Variants in RIMS2 observed in about 807,000 individuals in gnomAD.
RIMS2 encodes the protein regulating synaptic membrane exocytosis protein 2.
RIMS2 carries 59 observed loss-of-function variants against 174.4 expected under a neutral mutation model. The ratio of observed to expected loss-of-function variants is 0.34; its 90% CI spans 0.27 to 0.42. The LOEUF is 0.42. RIMS2 is among the 10% of genes least tolerant of loss of function. The pLI, the probability that RIMS2 is intolerant of heterozygous loss-of-function variation, is 1.00. For missense variants in RIMS2, 1,620 were observed against 1,666.3 expected, an observed-to-expected ratio of 0.97 and a Z score of 0.48; for synonymous variants, 606 against 572.5, an observed-to-expected ratio of 1.06 and a Z score of -0.84.
At chr8:103,575,929 C>A (rs142386345) in intron 1 of RIMS2, among the ~76,000 whole-genome samples, 203 of 152,248 alleles carry the variant, frequency 1.3e-3, no homozygotes, top group African/African-American at 4.7e-3. Context: ...ACTAGTTTTG[C>A]TTCTAACTTC....
At chr8:103,740,439 A>G (rs1431422429) in intron 2 of RIMS2, among the ~76,000 whole-genome samples, 1 of 152,162 alleles carries the variant, frequency 6.6e-6, no homozygotes, top group Non-Finnish European at 1.5e-5. Flanking sequence ...GAGGATGGCA[A>G]TTTATGACTT....
At chr8:103,672,043 CAATT>C (rs1030879239) in intron 1 of RIMS2, among the ~76,000 whole-genome samples, 6 of 152,056 alleles carry the variant, frequency 3.9e-5, no homozygotes, top group Non-Finnish European at 8.8e-5. Flanking sequence ...AGGTTTAAAA[CAATT>C]AAAACAGGAT....
intron 3 of RIMS2, among the ~76,000 whole-genome samples, chr8:103,857,130 A>G (rs932415038): frequency 1.3e-5 from 2 of 152,164 alleles, no homozygotes; most frequent in African/African-American, 2.4e-5. Context: ...GTTACATAAA[A>G]TTTTACTCAG....
intron 1 of RIMS2, among the ~76,000 whole-genome samples, chr8:103,525,567 G>T (rs553396304): frequency 6.6e-6 from 1 of 152,088 alleles, no homozygotes; most frequent in African/African-American, 2.4e-5. Context: ...CACCTTGATT[G>T]ACATCAAGAC....
chr8:103,958,966 A>G (rs2088737179), intron 14 of RIMS2, among the ~76,000 whole-genome samples: 1 of 152,186 alleles, frequency 6.6e-6, no homozygotes, highest in Admixed American at 6.5e-5. Flanking sequence ...AAACGCATCC[A>G]AAAAGGAAAA....
At chr8:104,136,193 A>G (rs945905557) in intron 19 of RIMS2, among the ~76,000 whole-genome samples, 2 of 152,098 alleles carry the variant, frequency 1.3e-5, no homozygotes, top group African/African-American at 4.8e-5. Flanking sequence ...TTGATGACCC[A>G]TTTATTGTCT....
intron 15 of RIMS2, among the ~76,000 whole-genome samples, chr8:103,974,332 A>G (rs1357907915): frequency 6.6e-6 from 1 of 152,230 alleles, no homozygotes; most frequent in African/African-American, 2.4e-5. Flanking sequence ...TTTAAAGTGC[A>G]TAGCAGAGTT....
intron 10 of RIMS2, 170 bp downstream of exon 13, chr8:103,921,954 T>C: frequency 2.5e-6 from 1 of 403,026 alleles, no homozygotes; most frequent in Non-Finnish European, 4.5e-6. Context: ...TTTATCATAC[T>C]GCTTCATTTA....
intron 1 of RIMS2, among the ~76,000 whole-genome samples, chr8:103,617,603 G>T (rs2095535730): frequency 6.6e-6 from 1 of 152,068 alleles, no homozygotes; most frequent in African/African-American, 2.4e-5. Context: ...TATTTGCAGA[G>T]TGTGCATCTG....
chr8:104,125,221 C>T (rs1308944256), intron 19 of RIMS2, among the ~76,000 whole-genome samples: 1 of 152,106 alleles, frequency 6.6e-6, no homozygotes, highest in Non-Finnish European at 1.5e-5. Context: ...ATGTTCTGGT[C>T]AAGTTAAAAG....
chr8:103,732,292 A>G (rs1319770462), intron 2 of RIMS2, among the ~76,000 whole-genome samples: 1 of 152,186 alleles, frequency 6.6e-6, no homozygotes, highest in African/African-American at 2.4e-5. Context: ...CTTTCTCCAA[A>G]GAAATGGAGC....
At chr8:103,643,106 G>A (rs571857084) in intron 1 of RIMS2, among the ~76,000 whole-genome samples, 3 of 151,208 alleles carry the variant, frequency 2.0e-5, no homozygotes, top group Admixed American at 2.0e-4. Flanking sequence ...TCACTCTTTT[G>A]TGTTTTTGTT....
intron 19 of RIMS2, among the ~76,000 whole-genome samples, chr8:104,142,721 A>G (rs2098595853): frequency 6.6e-6 from 1 of 152,174 alleles, no homozygotes; most frequent in South Asian, 2.1e-4. Context: ...ACTAATGGCT[A>G]TAATCAAGGC....
chr8:103,564,237 A>G (rs117838081), intron 1 of RIMS2, among the ~76,000 whole-genome samples: 1 of 152,210 alleles, frequency 6.6e-6, no homozygotes, highest in Admixed American at 6.5e-5. Context: ...AATTTAACTG[A>G]TTTAAAACAA....
intron 19 of RIMS2, among the ~76,000 whole-genome samples, chr8:104,151,572 T>TC (rs947053718): frequency 5.3e-5 from 6 of 113,994 alleles, no homozygotes; most frequent in African/African-American, 1.9e-4. Context: ...TGTCCTGCAC[T>TC]CCCCCAACTC....
intron 19 of RIMS2, among the ~76,000 whole-genome samples, chr8:104,118,018 A>G (rs957437408): frequency 6.6e-6 from 1 of 152,198 alleles, no homozygotes; most frequent in Non-Finnish European, 1.5e-5. Context: ...ACAGTTCTGG[A>G]CAGAATACGA....
intron 3 of RIMS2, among the ~76,000 whole-genome samples, 194 bp downstream of exon 6, chr8:103,766,731 G>A (rs1050460348): frequency 6.6e-6 from 1 of 152,218 alleles, no homozygotes; most frequent in African/African-American, 2.4e-5. Flanking sequence ...TAGATTTGAT[G>A]TGGGAGTGTT....
chr8:104,000,991 A>G (rs974165346), intron 17 of RIMS2, among the ~76,000 whole-genome samples: 13 of 151,868 alleles, frequency 8.6e-5, no homozygotes, highest in East Asian at 5.8e-4. Context: ...ATAGCTTGCA[A>G]ATTTTTTCTT....
chr8:104,076,386 T>C (rs1293339929), intron 19 of RIMS2, among the ~76,000 whole-genome samples: 1 of 152,174 alleles, frequency 6.6e-6, no homozygotes, highest in African/African-American at 2.4e-5. Context: ...CAAACTAGCA[T>C]TTAAAAGTAA....
Sources: allele counts gnomAD v4.1 joint callset (sites outside exome capture counted in the v4.1 genomes callset), GRCh38; gene constraint gnomAD v4.1.1; transcripts MANE v1.5; gene names NCBI Gene and HGNC (gene_info 2026-07-23, HGNC 2026-07-21).